Variants in SLIT1 observed in about 807,000 individuals in gnomAD.
The protein encoded by SLIT1 is slit guidance ligand 1, also known as slit homolog 1 protein.
SLIT1 carries 66 observed loss-of-function variants against 186.1 expected under a neutral mutation model. The observed-to-expected ratio is 0.35, with a 90% CI of 0.29 to 0.44. The LOEUF (loss-of-function observed/expected upper bound fraction) is 0.44. SLIT1 is among the 20% of genes least tolerant of loss of function. The pLI, the probability that SLIT1 is intolerant of heterozygous loss-of-function variation, is 1.00. For synonymous variants in SLIT1, 761 were observed against 833.8 expected (o/e 0.91, Z 1.50); for missense variants, 1,638 against 2,037.4 (o/e 0.80, Z 3.77).
chr10:97,003,112 C>G, intron 34 of SLIT1, 120 bp from the exon 35 acceptor site: 1 of 937,840 alleles, frequency 1.1e-6, no homozygotes. Flanking sequence ...TGTCCTTCAT[C>G]TCTGCAACCC....
intron 31 of SLIT1, among the ~76,000 whole-genome samples, chr10:97,008,465 T>G (rs1032384335): frequency 6.6e-6 from 1 of 152,122 alleles, no homozygotes; most frequent in African/African-American, 2.4e-5. Context: ...GAGGCCGAGG[T>G]GGGTGGATCA....
chr10:97,021,467 C>T lies in SLIT1; in HGVS notation c.2583-54G>A, dbSNP rs1258679174. On this transcript the variant is annotated intron_variant, in intron 25 of 36. Coordinates refer to ENST00000266058, the MANE Select transcript of SLIT1 (RefSeq NM_003061.3). This position sits in a 1 kb window ranked among gnomAD's most constrained non-coding sequence, Gnocchi z 4.5. Reference sequence around the variant, plus strand: ...TTACAGCTTCATGGGGTCCCTCGCCCACTGGGAACCTAGAGTCCCAGGCAC... The same window carrying T: ...TTACAGCTTCATGGGGTCCCTCGCCTACTGGGAACCTAGAGTCCCAGGCAC... 1 of 1,546,312 alleles carries T rather than the reference C, an allele frequency of 6.5e-7. No homozygotes were observed. Among genetic ancestry groups the T allele is most frequent in the Non-Finnish European group, 8.8e-7 (1 of 1,137,436 alleles).
intron 4 of SLIT1, among the ~76,000 whole-genome samples, chr10:97,112,912 T>C (rs1021302030): frequency 2.0e-5 from 3 of 152,094 alleles, no homozygotes; most frequent in Admixed American, 6.5e-5. Flanking sequence ...CAGGCTGGTT[T>C]CAAACTCCCG....
Position 97,021,121 on chromosome 10 carries a change from G to GCCTTTTTC in SLIT1, c.2746+128_2746+129insGAAAAAGG. ...GGAAGGCAGCCATCAAGCCGCAGGTGCCTTGTTCCTGTCCCCTGACCCCCC... is the reference window on the plus strand; with the variant it reads ...GGAAGGCAGCCATCAAGCCGCAGGTGCCTTTTTCCCTTGTTCCTGTCCCCTGACCCCCC... On this transcript the variant is annotated intron_variant, in intron 26 of 36. Coordinates refer to ENST00000266058, the MANE Select transcript of SLIT1 (RefSeq NM_003061.3). The surrounding 1 kb of genome is among the most constrained non-coding windows in gnomAD (Gnocchi z 4.5). 1 of 784,694 alleles carries GCCTTTTTC rather than the reference G, an allele frequency of 1.3e-6. No homozygotes were observed. The highest frequency in any genetic ancestry group is 2.0e-6 in the Non-Finnish European group (1 of 510,640). The allele number at this position is 784,694 out of a possible 1,614,324, so 48.6% of individuals were successfully genotyped here.
chr10:97,082,095 C>G (rs758869154), intron 4 of SLIT1, among the ~76,000 whole-genome samples: 1 of 152,270 alleles, frequency 6.6e-6, no homozygotes, highest in Non-Finnish European at 1.5e-5. Context: ...TAAGCTACTT[C>G]TATATGGGGT....
chr10:97,107,565 T>C (rs1262060817), intron 4 of SLIT1, among the ~76,000 whole-genome samples: 2 of 152,158 alleles, frequency 1.3e-5, no homozygotes, highest in African/African-American at 4.8e-5. Flanking sequence ...CTTTAAGCCA[T>C]GGAGGACTAC....
rs536628585 is a variant in SLIT1 at position 97,127,823 on chromosome 10, C to A, written c.413+29995G>T. Among the ~76,000 whole-genome samples, 28 of 152,332 alleles carry A rather than the reference C, an allele frequency of 1.8e-4. No individual in the cohort carries two copies. In the South Asian group the frequency reaches 5.0e-3, roughly 27 times the overall value. On this transcript the variant is annotated intron_variant, in intron 4 of 36. Coordinates refer to ENST00000266058, the MANE Select transcript of SLIT1 (RefSeq NM_003061.3). ...TATGACTCCAGGGAACTCCTGCCAC[C>A]TCTTCGGGCCTCACTGTCCTCATCT...
At chr10:97,103,219 G>A (rs1025571640) in intron 4 of SLIT1, 3 of 152,378 alleles carry the variant, frequency 2.0e-5, no homozygotes, top group African/African-American at 7.2e-5. Context: ...GGGGCAATGA[G>A]ATGGGGAGTC....
At chr10:97,031,776 C>T in intron 23 of SLIT1, 99 bp from the exon 24 acceptor site, 2 of 902,522 alleles carry the variant, frequency 2.2e-6, no homozygotes, top group Non-Finnish European at 3.4e-6. Context: ...CACCCAGCAG[C>T]CTCCTCGGGC....
At chr10:97,166,390 C>A (rs1319109949) in intron 1 of SLIT1, among the ~76,000 whole-genome samples, 1 of 151,510 alleles carries the variant, frequency 6.6e-6, no homozygotes, top group Admixed American at 6.6e-5. Flanking sequence ...GTGGCAGGCA[C>A]CTGTAATCCC....
Position 97,010,941 on chromosome 10 carries a change from A to T in SLIT1, c.3341+52T>A. 1 of 1,565,466 alleles carries T rather than the reference A, an allele frequency of 6.4e-7. No homozygotes were observed. Among genetic ancestry groups the T allele is most frequent in the Non-Finnish European group, 8.7e-7 (1 of 1,145,646 alleles). ...CATGGCTGGAGGCTCCTGCCAGCCC[A>T]GGGGCTGACAGCCACAAGGAGTCAC... On this transcript the variant is annotated intron_variant, in intron 31 of 36. Transcript: ENST00000266058. The surrounding 1 kb of genome is among the most constrained non-coding windows in gnomAD (Gnocchi z 4.8).
At position 97,001,208 on chromosome 10, in the gene SLIT1, C is replaced by T. The variant is rs779192993; in HGVS notation, c.4509G>A (p.Leu1503=). The T allele has an allele frequency of 6.2e-7, 1 of 1,613,258 alleles. No homozygotes were observed. Among genetic ancestry groups the T allele is most frequent in the Admixed American group, 1.7e-5 (1 of 60,034 alleles). Residue 1503 remains leucine (L), a synonymous_variant, in exon 37 of 37, where the codon CTG becomes CTA. Coordinates refer to ENST00000266058, the MANE Select transcript of SLIT1 (RefSeq NM_003061.3). ...ACTCAAAGGTGAACTTCCTCCGCTT[C>T]AGCCGAAGGCCCTGGCAGCAGCCCT... The part of the protein sequence containing the change: ...PGQGCCQGLR[L]KRRKFTFECS...
chr10:97,174,202 C>T (rs1850227529), intron 1 of SLIT1, among the ~76,000 whole-genome samples: 1 of 152,236 alleles, frequency 6.6e-6, no homozygotes, highest in African/African-American at 2.4e-5. Context: ...TTGCCTAAGG[C>T]CAGTCTCCCA....
intron 4 of SLIT1, among the ~76,000 whole-genome samples, chr10:97,110,627 CTA>C (rs1314718741): frequency 6.6e-6 from 1 of 152,158 alleles, no homozygotes; most frequent in Non-Finnish European, 1.5e-5. Flanking sequence ...AAAAGTTAAG[CTA>C]AGGCTTACAT....
Position 97,166,557 on chromosome 10 carries a change from A to AGGAAGGAAGGAAGGAAAGAG in SLIT1, c.198-1668_198-1667insCTCTTTCCTTCCTTCCTTCC, listed in dbSNP as rs1283710320. Among the ~76,000 whole-genome samples, 9 of 55,212 alleles carry AGGAAGGAAGGAAGGAAAGAG rather than the reference A, an allele frequency of 1.6e-4. No individual in the cohort carries two copies. In the East Asian group the frequency reaches 2.1e-3, roughly 13 times the overall value. The allele number at this position is 55,212 out of a possible 152,430, so 36.2% of individuals were successfully genotyped here. A position where few individuals can be genotyped will look rare whatever the true frequency, so the allele number is the denominator to read the frequency against. On this transcript the variant is annotated intron_variant, in intron 1 of 36. Transcript: ENST00000266058. ...AAGGAAGGAAGGAAGGAAGGAAGGA[A>AGGAAGGAAGGAAGGAAAGAG]AGAGAGAGAGAGAGAAAGAAAGAAA...
intron 4 of SLIT1, among the ~76,000 whole-genome samples, chr10:97,142,628 T>C (rs944019375): frequency 6.6e-6 from 1 of 152,056 alleles, no homozygotes; most frequent in Non-Finnish European, 1.5e-5. Flanking sequence ...TGAGACTACA[T>C]CAAACTTAAA....
At chr10:97,017,393 G>A (rs1848463244) in intron 28 of SLIT1, among the ~76,000 whole-genome samples, 2 of 152,248 alleles carry the variant, frequency 1.3e-5, no homozygotes, top group Non-Finnish European at 2.9e-5. Flanking sequence ...CCAATGTATT[G>A]CGCCAGCAAT....
chr10:97,179,801 C>CGCG (rs143667214), intron 1 of SLIT1, among the ~76,000 whole-genome samples: 1 of 98,170 alleles, frequency 1.0e-5, no homozygotes, highest in Non-Finnish European at 2.3e-5. Flanking sequence ...TCCACACCCT[C>CGCG]CCCGCCCCCC....
intron 25 of SLIT1, among the ~76,000 whole-genome samples, chr10:97,024,177 G>A (rs1308382504): frequency 6.6e-6 from 1 of 152,180 alleles, no homozygotes; most frequent in East Asian, 1.9e-4. Flanking sequence ...TTCTGGGCAG[G>A]ACAGAGGAAG....
Sources: allele counts gnomAD v4.1 joint callset (sites outside exome capture counted in the v4.1 genomes callset), GRCh38; gene constraint gnomAD v4.1.1; non-coding constraint Gnocchi (gnomAD v3.1); transcripts MANE v1.5; gene names NCBI Gene and HGNC (gene_info 2026-07-23, HGNC 2026-07-21).